Variants in SCN7A observed in about 807,000 individuals in gnomAD.
SCN7A encodes sodium voltage-gated channel alpha subunit 7, also known as sodium channel protein type 7 subunit alpha.
SCN7A carries 138 observed loss-of-function variants against 155.2 expected under a neutral mutation model. That is an observed-to-expected ratio of 0.89 (90% CI 0.77 to 1.02). The LOEUF (loss-of-function observed/expected upper bound fraction) is 1.02. Ranked by LOEUF, SCN7A falls within the 50% of genes least tolerant of loss-of-function variation. The pLI is 0.00. For synonymous variants in SCN7A, 693 were observed against 649.0 expected (o/e 1.07, Z -1.03); for missense variants, 2,058 against 1,986.6 (o/e 1.04, Z -0.68).
At chr2:166,456,075 G>T (rs935149727) in intron 11 of SCN7A, among the ~76,000 whole-genome samples, 21 of 152,140 alleles carry the variant, frequency 1.4e-4, no homozygotes, top group African/African-American at 4.3e-4. Flanking sequence ...GATGAAGCTG[G>T]AAACCATCAT....
intron 16 of SCN7A, among the ~76,000 whole-genome samples, chr2:166,430,803 C>T (rs780759303): frequency 3.3e-5 from 5 of 151,856 alleles, no homozygotes; most frequent in African/African-American, 1.2e-4. Context: ...AGAAACAAGA[C>T]AGTGTATCTC....
chr2:166,414,006 TATAC>T lies in SCN7A; in HGVS notation c.3415-889_3415-886del, dbSNP rs1701265779. Among the ~76,000 whole-genome samples the T allele has an allele frequency of 6.1e-5, 5 of 82,608 alleles. No homozygotes were observed. The South Asian group carries it at 1.7e-3, about 29-fold the overall frequency. 54.2% of individuals were successfully genotyped at this position (82,608 alleles called of 152,430 possible). On this transcript the variant is annotated intron_variant, in intron 21 of 25. Coordinates refer to ENST00000643258, the MANE Select transcript of SCN7A (RefSeq NM_002976.4). Reference sequence around the variant, plus strand: ...GTATATATATATATATATATATAAATATACTATATATATGTAAATATATATAAAT... The same window carrying T: ...GTATATATATATATATATATATAAATTATATATATGTAAATATATATAAAT...
At chr2:166,471,779 G>A (rs1367270492) in intron 6 of SCN7A, among the ~76,000 whole-genome samples, 1 of 151,308 alleles carries the variant, frequency 6.6e-6, no homozygotes, top group Non-Finnish European at 1.5e-5. Context: ...CATATTTACT[G>A]GTCTTATGCA....
At position 166,486,967 on chromosome 2, in the gene SCN7A, AC is replaced by A; in HGVS notation, c.-127del. On this transcript the variant is annotated splice_region_variant and 5_prime_UTR_variant, in exon 2 of 26. Transcript: ENST00000643258. ...CATGTTGGCATTCACATGGTGGAGGACCTGTTGCAAAACAGTTCTAAAGCTT... is the reference window on the plus strand; with the variant it reads ...CATGTTGGCATTCACATGGTGGAGGACTGTTGCAAAACAGTTCTAAAGCTT... 6.6e-6 allele frequency: 1 copy of A among 152,300 alleles called. No homozygotes were observed. The highest frequency in any genetic ancestry group is 2.1e-4 in the South Asian group (1 of 4,830). 9.4% of individuals were successfully genotyped at this position (152,300 alleles called of 1,614,324 possible).
At chr2:166,437,621 T>C (rs1290017407) in intron 15 of SCN7A, among the ~76,000 whole-genome samples, 1 of 152,110 alleles carries the variant, frequency 6.6e-6, no homozygotes, top group Non-Finnish European at 1.5e-5. Context: ...AACACCGGCC[T>C]GTGAAGGCAG....
intron 21 of SCN7A, among the ~76,000 whole-genome samples, chr2:166,416,031 GA>G (rs1326603330): frequency 3.3e-5 from 5 of 152,032 alleles, no homozygotes; most frequent in Non-Finnish European, 7.4e-5. Context: ...TTCATTCCTG[GA>G]GAGAGGTCTA....
chr2:166,406,976 C>A (rs185057438), intron 25 of SCN7A, among the ~76,000 whole-genome samples: 3 of 151,984 alleles, frequency 2.0e-5, no homozygotes, highest in Non-Finnish European at 4.4e-5. Flanking sequence ...TTTTTTATTG[C>A]TATTGGATTA....
intron 25 of SCN7A, among the ~76,000 whole-genome samples, chr2:166,408,656 G>A (rs779062130): frequency 1.3e-5 from 2 of 151,652 alleles, no homozygotes; most frequent in Non-Finnish European, 1.5e-5. Flanking sequence ...GCTTCTTACG[G>A]TTTTTTTCAG....
At chr2:166,459,564 A>G (rs1702356641) in intron 10 of SCN7A, among the ~76,000 whole-genome samples, 1 of 152,176 alleles carries the variant, frequency 6.6e-6, no homozygotes, top group Non-Finnish European at 1.5e-5. Context: ...AACATATGCT[A>G]TACTCTTTGG....
chr2:166,472,631 C>A (rs1408831688), intron 5 of SCN7A, among the ~76,000 whole-genome samples, 186 bp from the exon 6 acceptor site: 1 of 151,860 alleles, frequency 6.6e-6, no homozygotes, highest in Admixed American at 6.6e-5. Context: ...AAAGCAAGTG[C>A]TCCTTGAGCC....
At chr2:166,457,690 C>A (rs562262710) in intron 10 of SCN7A, among the ~76,000 whole-genome samples, 5 of 152,210 alleles carry the variant, frequency 3.3e-5, no homozygotes, top group East Asian at 1.9e-4. Context: ...TTATAGATAG[C>A]AAAATACAAC....
intron 14 of SCN7A, among the ~76,000 whole-genome samples, 192 bp from the exon 15 acceptor site, chr2:166,441,944 G>A (rs1255275768): frequency 1.3e-5 from 2 of 152,026 alleles, no homozygotes; most frequent in African/African-American, 4.8e-5. Context: ...TGTATACTCA[G>A]TCTATACATA....
chr2:166,417,138 C>A (rs1374704291), intron 20 of SCN7A, among the ~76,000 whole-genome samples, 153 bp from the exon 21 acceptor site: 1 of 152,124 alleles, frequency 6.6e-6, no homozygotes, highest in African/African-American at 2.4e-5. Context: ...CATGCTGGTA[C>A]TGGAATAACC....
In SCN7A at chr2:166,409,901, G is replaced by A; in HGVS notation, c.3746C>T (p.Thr1249Ile). The change falls in exon 25 of 26, where the codon ACA becomes ATA. Residue 1249 changes from threonine to isoleucine, a missense_variant. Thr to Ile is a moderately conservative substitution (Grantham distance 89). Transcript: ENST00000643258. ...AACAATGACATTAAAAGCTTGGCTT[G>A]TTACCACATCAAAGATGAATCCTTG... ...KLQGFIFDVV[T>I]SQAFNVIVMV... The A allele has an allele frequency of 6.4e-7, 1 of 1,569,520 alleles. No individual in the cohort carries two copies.
At chr2:166,424,368 C>G (rs1051443567) in intron 18 of SCN7A, among the ~76,000 whole-genome samples, 2 of 152,144 alleles carry the variant, frequency 1.3e-5, no homozygotes, top group East Asian at 3.9e-4. Flanking sequence ...ACCAATGATC[C>G]TGCTGCAAAG....
chr2:166,465,518 A>T lies in SCN7A; in HGVS notation c.885T>A (p.Phe295Leu). ...CATATCTTTCTCCTTCCAAATAATAAAAGTTTTCTGTTTCTGAAAAACAGG... is the reference window on the plus strand; with the variant it reads ...CATATCTTTCTCCTTCCAAATAATATAAGTTTTCTGTTTCTGAAAAACAGG... ...NPYYIRETEN[F>L]YYLEGERYAL... is the part of the protein sequence containing the mutation. Residue 295 changes from phenylalanine (F) to leucine (L), a missense_variant, in exon 9 of 26, where the codon TTT becomes TTA. By Grantham distance (22) the Phe-to-Leu change is conservative (BLOSUM62 0). Transcript: ENST00000643258. 1 of 1,602,180 alleles carries T rather than the reference A, an allele frequency of 6.2e-7. No homozygotes were observed. Among genetic ancestry groups the T allele is most frequent in the Non-Finnish European group, 8.5e-7 (1 of 1,173,432 alleles).
chr2:166,408,762 C>A (rs1485728349), intron 25 of SCN7A, among the ~76,000 whole-genome samples: 2 of 151,950 alleles, frequency 1.3e-5, no homozygotes, highest in African/African-American at 4.8e-5. Flanking sequence ...CTACTCAATG[C>A]ATAGAATAGT....
intron 20 of SCN7A, among the ~76,000 whole-genome samples, chr2:166,417,538 A>T (rs1445984735): frequency 1.3e-5 from 2 of 152,076 alleles, no homozygotes; most frequent in Admixed American, 1.3e-4. Flanking sequence ...AAAATCATTA[A>T]ATGGCAACAG....
At chr2:166,490,240 A>G (rs183957849) in intron 1 of SCN7A, among the ~76,000 whole-genome samples, 68 of 152,230 alleles carry the variant, frequency 4.5e-4, no homozygotes, top group African/African-American at 1.5e-3. Flanking sequence ...TTTGACCAAC[A>G]TCTTTCCTTT....
Sources: allele counts gnomAD v4.1 joint callset (sites outside exome capture counted in the v4.1 genomes callset), GRCh38; gene constraint gnomAD v4.1.1; transcripts MANE v1.5; gene names NCBI Gene and HGNC (gene_info 2026-07-23, HGNC 2026-07-21).